The following TSPEAR variants were observed in gnomAD, a reference collection of about 807,000 sequenced individuals.
TSPEAR encodes thrombospondin-type laminin G domain and EAR repeat-containing protein.
A neutral mutation model predicts 71.6 loss-of-function variants in TSPEAR; 69 were observed. The ratio of observed to expected loss-of-function variants is 0.96; its 90% CI spans 0.79 to 1.18. The LOEUF (loss-of-function observed/expected upper bound fraction) is 1.18. Ranked by LOEUF, TSPEAR falls within the 50% of genes most tolerant of loss-of-function variation. The pLI, the probability that TSPEAR is intolerant of heterozygous loss-of-function variation, is 0.00. For synonymous variants in TSPEAR, 402 were observed against 387.2 expected (o/e 1.04, Z -0.45); for missense variants, 971 against 894.9 (o/e 1.09, Z -1.09).
chr21:44,638,118 T>A, intron 1 of TSPEAR: 1 of 1,613,380 alleles, frequency 6.2e-7, no homozygotes, highest in South Asian at 1.1e-5. Context: ...TGCCGCCCCG[T>A]GTGCTCCCGC....
chr21:44,667,025 G>A, intron 1 of TSPEAR: 1 of 1,009,676 alleles, frequency 9.9e-7, no homozygotes. Context: ...CTTCCTCAGT[G>A]CTGTCTCCTG....
intron 1 of TSPEAR, chr21:44,600,992 A>T (rs233308): frequency 1.9e-6 from 3 of 1,598,530 alleles, no homozygotes; most frequent in East Asian, 4.5e-5. Context: ...AAGCCTGTGT[A>T]CTGTGTGCCT....
intron 1 of TSPEAR, among the ~76,000 whole-genome samples, chr21:44,708,462 G>C (rs567369710): frequency 6.6e-6 from 1 of 152,022 alleles, no homozygotes; most frequent in Non-Finnish European, 1.5e-5. Context: ...AGAGCTCCTG[G>C]GAGCACCAGT....
chr21:44,632,685 CA>C (rs200326705), intron 1 of TSPEAR, among the ~76,000 whole-genome samples: 2 of 150,956 alleles, frequency 1.3e-5, no homozygotes, highest in Non-Finnish European at 3.0e-5. Flanking sequence ...AATACACACA[CA>C]AAAAAAAATA....
chr21:44,513,160 G>A (rs1440646590), intron 9 of TSPEAR, among the ~76,000 whole-genome samples: 1 of 152,228 alleles, frequency 6.6e-6, no homozygotes, highest in Non-Finnish European at 1.5e-5. Flanking sequence ...CCTGGTCCCA[G>A]CATTTAGCTG....
rs1383219664 is a variant in TSPEAR at position 44,612,938 on chromosome 21, G to A, written c.83-44933C>T. The stretch of plus-strand genomic sequence containing the variant: ...ATGGGCACGTCCCCCAGGGCCAGCC[G>A]GCTCCGGTCCTGTCCTGGGTTAAGT... On this transcript the variant is annotated intron_variant, in intron 1 of 11. Coordinates refer to ENST00000323084, the MANE Select transcript of TSPEAR (RefSeq NM_144991.3). This position sits in a 1 kb window ranked among gnomAD's most constrained non-coding sequence, Gnocchi z 4.1. The A allele has an allele frequency of 1.3e-5, 20 of 1,591,914 alleles. No individual in the cohort carries two copies. Among genetic ancestry groups the A allele is most frequent in the African/African-American group, 6.7e-5 (5 of 74,690 alleles).
At chr21:44,619,427 TTCACCAGAGGCA>T (rs1412937000) in intron 1 of TSPEAR, among the ~76,000 whole-genome samples, 1 of 152,218 alleles carries the variant, frequency 6.6e-6, no homozygotes, top group African/African-American at 2.4e-5. Context: ...CTGTGCAGTT[TTCACCAGAGGCA>T]TGTGCCATGC....
intron 4 of TSPEAR, among the ~76,000 whole-genome samples, chr21:44,530,439 C>G (rs1555915619): frequency 6.8e-6 from 1 of 148,008 alleles, no homozygotes; most frequent in African/African-American, 2.6e-5. Context: ...ATCTTTCTCT[C>G]CATCTGTTCA....
chr21:44,614,825 AT>A (rs1981967276), intron 1 of TSPEAR, among the ~76,000 whole-genome samples: 1 of 152,216 alleles, frequency 6.6e-6, no homozygotes. Context: ...GACCGAGAAG[AT>A]TTCAATGAGA....
At chr21:44,591,262 G>A in intron 1 of TSPEAR, 3 of 1,461,142 alleles carry the variant, frequency 2.1e-6, no homozygotes, top group Middle Eastern at 2.4e-4. Flanking sequence ...GGAGCATCCT[G>A]GTCCCTAAGA....
At chr21:44,655,311 G>A (rs587681566) in intron 1 of TSPEAR, among the ~76,000 whole-genome samples, 1 of 152,322 alleles carries the variant, frequency 6.6e-6, no homozygotes, top group Admixed American at 6.5e-5. Flanking sequence ...TTACCACTGT[G>A]CCAAATTATA....
At chr21:44,678,387 A>C (rs13046870) in intron 1 of TSPEAR, among the ~76,000 whole-genome samples, 86,047 of 151,564 alleles carry the variant, frequency 0.57, 24,723 homozygotes, top group Middle Eastern at 0.71. Flanking sequence ...TGGCATCCTC[A>C]CCCCACCCAC....
At position 44,504,842 on chromosome 21, in the gene TSPEAR, A is replaced by T; in HGVS notation, c.1794T>A (p.Tyr598Ter). 2 of 1,612,508 alleles carry T rather than the reference A, an allele frequency of 1.2e-6. No individual in the cohort carries two copies. Among genetic ancestry groups the T allele is most frequent in the Non-Finnish European group, 1.7e-6 (2 of 1,179,486 alleles). ...DWEFFSVGED[Y>*]FLVVANSFDG... ...CGAAGGAGTTGGCCACCACCAGGAA[A>T]TAATCTTCTCCCACCGAGAAAAACT... Residue 598 changes from tyrosine to a stop codon, truncating the protein, a stop_gained, in exon 11 of 12, where the codon TAT (tyrosine) becomes TAA (stop). Coordinates refer to ENST00000323084, the MANE Select transcript of TSPEAR (RefSeq NM_144991.3). LOFTEE classifies it high-confidence loss of function.
intron 7 of TSPEAR, 83 bp from the exon 8 acceptor site, chr21:44,525,922 C>G: frequency 7.4e-7 from 1 of 1,360,334 alleles, no homozygotes; most frequent in African/African-American, 1.4e-5. Context: ...TGAACATCAG[C>G]ATCTCTCTCC....
intron 2 of TSPEAR, chr21:44,539,800 A>C (rs2053178264): frequency 6.2e-7 from 1 of 1,601,120 alleles, no homozygotes; most frequent in Non-Finnish European, 8.5e-7. Context: ...ATGAAGAGGA[A>C]TCCTTAGAGC....
chr21:44,621,724 C>G (rs1239645912), intron 1 of TSPEAR, among the ~76,000 whole-genome samples: 1 of 152,230 alleles, frequency 6.6e-6, no homozygotes, highest in African/African-American at 2.4e-5. Flanking sequence ...GAATATTCAG[C>G]AGGGAAAGTA....
chr21:44,647,128 G>C (rs587773369), intron 1 of TSPEAR: 3 of 1,614,106 alleles, frequency 1.9e-6, no homozygotes, highest in African/African-American at 1.3e-5. Flanking sequence ...CTGCCAGCCA[G>C]CTTGCTGCAC....
At chr21:44,629,368 T>C (rs1364087826) in intron 1 of TSPEAR, among the ~76,000 whole-genome samples, 2 of 152,116 alleles carry the variant, frequency 1.3e-5, no homozygotes, top group Non-Finnish European at 2.9e-5. Context: ...GCAGGGCTGG[T>C]TCCCGAAGAC....
At chr21:44,702,447 C>T in intron 1 of TSPEAR, 3 of 1,610,916 alleles carry the variant, frequency 1.9e-6, no homozygotes, top group Non-Finnish European at 2.5e-6. Flanking sequence ...GCTGCACCTC[C>T]TCCCCAAGCC....
Sources: allele counts gnomAD v4.1 joint callset (sites outside exome capture counted in the v4.1 genomes callset), GRCh38; gene constraint gnomAD v4.1.1; non-coding constraint Gnocchi (gnomAD v3.1); transcripts MANE v1.5; gene names NCBI Gene and HGNC (gene_info 2026-07-23, HGNC 2026-07-21).